PLXDC2: variants seen among roughly 807,000 people sequenced by gnomAD.
The protein encoded by PLXDC2 is plexin domain-containing protein 2.
A neutral mutation model predicts 68.9 loss-of-function variants in PLXDC2; 40 were observed. The observed-to-expected ratio is 0.58, with a 90% CI of 0.45 to 0.76. PLXDC2 has a LOEUF of 0.76. Ranked by LOEUF, PLXDC2 falls within the 30% of genes least tolerant of loss-of-function variation. The pLI is 0.00. For synonymous variants in PLXDC2, 243 were observed against 234.2 expected (o/e 1.04, Z -0.34); for missense variants, 644 against 661.9 (o/e 0.97, Z 0.30).
At chr10:20,074,571 T>A (rs921453670) in intron 4 of PLXDC2, among the ~76,000 whole-genome samples, 4 of 152,194 alleles carry the variant, frequency 2.6e-5, no homozygotes, top group African/African-American at 9.6e-5. Context: ...ATGCATTTTA[T>A]CTTCATTAGC....
At chr10:20,085,259 A>AAC (rs1833175355) in intron 4 of PLXDC2, among the ~76,000 whole-genome samples, 1 of 152,076 alleles carries the variant, frequency 6.6e-6, no homozygotes. Context: ...TGTGTTTCTC[A>AAC]ACAGTTTGTG....
chr10:20,211,736 A>T lies in PLXDC2; in HGVS notation c.1122+7A>T. On this transcript the variant is annotated splice_region_variant and intron_variant, in intron 10 of 13. Transcript: ENST00000377252. ...CAGTGGATGCCCTGAAGAGGTACAC[A>T]TGCTTTATTGTGACAGAATCCTGGG... 3 of 1,612,556 alleles carry T rather than the reference A, an allele frequency of 1.9e-6. No homozygotes were observed. Among genetic ancestry groups the T allele is most frequent in the Non-Finnish European group, 2.5e-6 (3 of 1,178,920 alleles).
At chr10:20,192,508 T>C (rs578127721) in intron 9 of PLXDC2, among the ~76,000 whole-genome samples, 1 of 152,158 alleles carries the variant, frequency 6.6e-6, no homozygotes, top group African/African-American at 2.4e-5. Flanking sequence ...CAGAGAATTA[T>C]GACAAAATGA....
At chr10:19,853,852 G>A (rs770042871) in intron 1 of PLXDC2, among the ~76,000 whole-genome samples, 3 of 152,108 alleles carry the variant, frequency 2.0e-5, no homozygotes, top group African/African-American at 4.8e-5. Context: ...TTTCTTTTCT[G>A]GCTTCTCCCA....
chr10:19,931,374 C>A (rs1044803505), intron 1 of PLXDC2, among the ~76,000 whole-genome samples: 1 of 152,138 alleles, frequency 6.6e-6, no homozygotes, highest in Admixed American at 6.5e-5. Flanking sequence ...TTTTAATGAC[C>A]GTCCTTAAGC....
intron 1 of PLXDC2, among the ~76,000 whole-genome samples, chr10:19,879,576 A>C (rs2358650): frequency 9.2e-5 from 14 of 152,192 alleles, no homozygotes; most frequent in Middle Eastern, 3.4e-3. Flanking sequence ...AGGTACATAA[A>C]AGAAGGCCTT....
At chr10:20,120,134 A>G (rs1255970774) in intron 4 of PLXDC2, among the ~76,000 whole-genome samples, 2 of 152,116 alleles carry the variant, frequency 1.3e-5, no homozygotes, top group Non-Finnish European at 2.9e-5. Flanking sequence ...AGAACGGTGA[A>G]TAGGAGTATG....
chr10:20,076,367 G>A (rs188075943), intron 4 of PLXDC2, among the ~76,000 whole-genome samples: 6 of 152,276 alleles, frequency 3.9e-5, no homozygotes, highest in East Asian at 3.9e-4. Flanking sequence ...CAAGGCAATC[G>A]TAACTGTATG....
At position 19,865,570 on chromosome 10, in the gene PLXDC2, T is replaced by A. The variant is rs555407012; in HGVS notation, c.112+48379T>A. 3.9e-5 allele frequency among the ~76,000 whole-genome samples: 6 copies of A among 152,238 alleles called. No homozygotes were observed. The South Asian group carries it at 1.2e-3, about 32-fold the overall frequency. On this transcript the variant is annotated intron_variant, in intron 1 of 13. Transcript: ENST00000377252. ...TTTGCTACTTCTCTGCCATTTAGCC[T>A]CTCAGGGTATAATGGGTAGTAAAAA...
Position 19,933,682 on chromosome 10 carries a change from G to A in PLXDC2, c.113-68093G>A, listed in dbSNP as rs527522158. Among the ~76,000 whole-genome samples the A allele has an allele frequency of 8.6e-4, 130 of 151,488 alleles. 1 individual carries two copies. Among genetic ancestry groups the A allele is most frequent in the African/African-American group, 3.0e-3 (123 of 41,328 alleles). ...ACAAAACACACACAAACACACACGC[G>A]TGCACACACACACACACAAAGGTGA... On this transcript the variant is annotated intron_variant, in intron 1 of 13. Coordinates refer to ENST00000377252, the MANE Select transcript of PLXDC2 (RefSeq NM_032812.9).
At chr10:20,271,536 G>T (rs551417027) in intron 13 of PLXDC2, among the ~76,000 whole-genome samples, 12 of 152,306 alleles carry the variant, frequency 7.9e-5, no homozygotes, top group African/African-American at 2.9e-4. Context: ...GACACTGGGT[G>T]AACCTGAACA....
rs559210589 is a variant in PLXDC2 at position 20,281,757 on chromosome 10, A to G, written c.*1938A>G. Reference sequence around the variant, plus strand: ...GTATCCCCACTTATTCTTGTGGAGCAGGTTTGGTGAGACAGCAATAACCAA... The same window carrying G: ...GTATCCCCACTTATTCTTGTGGAGCGGGTTTGGTGAGACAGCAATAACCAA... On this transcript the variant is annotated 3_prime_UTR_variant, in exon 14 of 14. Transcript: ENST00000377252. The G allele has an allele frequency of 1.3e-4, 20 of 152,262 alleles. No individual in the cohort carries two copies. The South Asian group carries it at 3.5e-3, about 27-fold the overall frequency. The allele number at this position is 152,262 out of a possible 1,614,324, so 9.4% of individuals were successfully genotyped here.
intron 1 of PLXDC2, among the ~76,000 whole-genome samples, chr10:19,838,968 C>G (rs192554810): frequency 7.2e-5 from 11 of 152,162 alleles, no homozygotes; most frequent in African/African-American, 2.6e-4. Context: ...AGTGGATCAC[C>G]TAAGGCCAGG....
chr10:20,191,327 A>AT (rs1195187196), intron 9 of PLXDC2, among the ~76,000 whole-genome samples: 4 of 151,052 alleles, frequency 2.6e-5, no homozygotes, highest in Non-Finnish European at 5.9e-5. Context: ...CAGTTCTTGA[A>AT]TTTTTTCTTC....
chr10:19,884,966 C>A (rs553477346), intron 1 of PLXDC2, among the ~76,000 whole-genome samples: 38 of 152,312 alleles, frequency 2.5e-4, no homozygotes, highest in Admixed American at 2.3e-3. Flanking sequence ...GACAGTCCCA[C>A]CAACAGTGTA....
At chr10:20,026,391 C>A (rs888630606) in intron 2 of PLXDC2, among the ~76,000 whole-genome samples, 2 of 152,078 alleles carry the variant, frequency 1.3e-5, no homozygotes, top group African/African-American at 4.8e-5. Context: ...GTGAGTCTCC[C>A]CCTAAGGGTA....
chr10:20,273,394 T>C (rs1835964053), intron 13 of PLXDC2, among the ~76,000 whole-genome samples: 1 of 152,220 alleles, frequency 6.6e-6, no homozygotes, highest in South Asian at 2.1e-4. Flanking sequence ...TAATGCTGTC[T>C]TCTAGAGGAG....
At chr10:20,251,502 G>C (rs1193076839) in intron 13 of PLXDC2, among the ~76,000 whole-genome samples, 3 of 152,010 alleles carry the variant, frequency 2.0e-5, no homozygotes, top group Non-Finnish European at 2.9e-5. Flanking sequence ...GTTCAACATT[G>C]CTAGGCATAA....
intron 2 of PLXDC2, 33 bp from the exon 3 acceptor site, chr10:20,046,836 G>T (rs766059464): frequency 5.1e-6 from 8 of 1,557,336 alleles, no homozygotes; most frequent in Non-Finnish European, 3.5e-6. Flanking sequence ...AAACATCTCG[G>T]TTCTTGATAT....
Sources: allele counts gnomAD v4.1 joint callset (sites outside exome capture counted in the v4.1 genomes callset), GRCh38; gene constraint gnomAD v4.1.1; transcripts MANE v1.5; gene names NCBI Gene and HGNC (gene_info 2026-07-23, HGNC 2026-07-21).